Variants in TRABD2B observed in about 807,000 individuals in gnomAD.
The protein encoded by TRABD2B is metalloprotease TIKI2.
Under a neutral mutation model 40.1 loss-of-function variants are expected in TRABD2B, and 14 were observed. The observed-to-expected ratio is 0.35, with a 90% CI of 0.23 to 0.55. The LOEUF (loss-of-function observed/expected upper bound fraction) is 0.55, where lower values mean the gene tolerates loss of function less well. Ranked by LOEUF, TRABD2B falls within the 20% of genes least tolerant of loss-of-function variation. TRABD2B has a pLI of 0.90. For missense variants in TRABD2B, 541 were observed against 648.6 expected (o/e 0.83, Z 1.80); for synonymous variants, 263 against 277.0 (o/e 0.95, Z 0.50).
chr1:47,916,728 G>C (rs1239787455), intron 2 of TRABD2B, among the ~76,000 whole-genome samples: 4 of 152,328 alleles, frequency 2.6e-5, no homozygotes, highest in Non-Finnish European at 5.9e-5. Flanking sequence ...GGTCAGACTG[G>C]GGGGGCTTGC....
chr1:47,944,768 C>A (rs765893052), intron 2 of TRABD2B, among the ~76,000 whole-genome samples: 20 of 152,158 alleles, frequency 1.3e-4, no homozygotes, highest in Non-Finnish European at 2.5e-4. Flanking sequence ...AAGCAGCTCA[C>A]GGACATGGCT....
At chr1:47,877,198 CA>C (rs1177134008) in intron 2 of TRABD2B, among the ~76,000 whole-genome samples, 2 of 148,614 alleles carry the variant, frequency 1.3e-5, no homozygotes, top group Non-Finnish European at 3.0e-5. Context: ...TATATTTTGG[CA>C]ATGGGGCTGG....
intron 2 of TRABD2B, among the ~76,000 whole-genome samples, chr1:47,933,411 C>T (rs1308484627): frequency 6.6e-6 from 1 of 152,116 alleles, no homozygotes; most frequent in Non-Finnish European, 1.5e-5. Context: ...CACACCCAAC[C>T]TCTCCTGTCA....
chr1:47,911,986 C>T (rs1223902204), intron 2 of TRABD2B, among the ~76,000 whole-genome samples: 4 of 151,768 alleles, frequency 2.6e-5, no homozygotes, highest in Admixed American at 2.0e-4. Context: ...GATCACGCAA[C>T]GCCCAAGTAC....
At chr1:47,829,466 G>A (rs1372127944) in intron 2 of TRABD2B, among the ~76,000 whole-genome samples, 1 of 152,104 alleles carries the variant, frequency 6.6e-6, no homozygotes, top group Non-Finnish European at 1.5e-5. Flanking sequence ...ACTCCTCACT[G>A]TCGATGGCGT....
At chr1:47,990,204 T>C (rs575014971) in intron 2 of TRABD2B, among the ~76,000 whole-genome samples, 7 of 152,330 alleles carry the variant, frequency 4.6e-5, no homozygotes, top group African/African-American at 1.7e-4. Context: ...AAGTACAGAA[T>C]AGCAGAGTCC....
At chr1:47,959,435 G>T (rs1003922786) in intron 2 of TRABD2B, among the ~76,000 whole-genome samples, 25 of 152,098 alleles carry the variant, frequency 1.6e-4, no homozygotes, top group Admixed American at 1.5e-3. Flanking sequence ...CTGGTTTTTT[G>T]AAAAGATCAA....
intron 2 of TRABD2B, among the ~76,000 whole-genome samples, chr1:47,847,483 A>G (rs1056851538): frequency 1.3e-5 from 2 of 152,186 alleles, no homozygotes; most frequent in African/African-American, 4.8e-5. Context: ...TGACATTGTT[A>G]TGTCAACTGA....
At chr1:47,766,589 A>G (rs1644306647) in intron 6 of TRABD2B, among the ~76,000 whole-genome samples, 2 of 152,196 alleles carry the variant, frequency 1.3e-5, no homozygotes, top group African/African-American at 4.8e-5. Context: ...AGCATCCATC[A>G]TGAGCTCAGC....
intron 2 of TRABD2B, among the ~76,000 whole-genome samples, chr1:47,826,826 G>T (rs1645182226): frequency 6.6e-6 from 1 of 152,302 alleles, no homozygotes. Flanking sequence ...TCCCTCCTTG[G>T]CCTCCCAAAG....
chr1:47,875,505 G>A (rs1354447514), intron 2 of TRABD2B, among the ~76,000 whole-genome samples: 13 of 151,702 alleles, frequency 8.6e-5, no homozygotes, highest in Non-Finnish European at 8.8e-5. Flanking sequence ...TGGGCAATAT[G>A]GCAAAACCCT....
chr1:47,977,129 G>A (rs987508103), intron 2 of TRABD2B, among the ~76,000 whole-genome samples: 1 of 150,730 alleles, frequency 6.6e-6, no homozygotes, highest in African/African-American at 2.4e-5. Flanking sequence ...CTGGAGTGCA[G>A]TGGTGCGATC....
chr1:47,962,153 A>T (rs902634401), intron 2 of TRABD2B, among the ~76,000 whole-genome samples: 39 of 151,990 alleles, frequency 2.6e-4, no homozygotes, highest in African/African-American at 8.4e-4. Context: ...CATAGGTGGG[A>T]ATTGAACAAT....
At chr1:47,872,423 T>C (rs1391169617) in intron 2 of TRABD2B, among the ~76,000 whole-genome samples, 3 of 151,962 alleles carry the variant, frequency 2.0e-5, no homozygotes, top group Admixed American at 6.6e-5. Context: ...GAGGAATGGA[T>C]GGATGGATGA....
At position 47,773,893 on chromosome 1, in the gene TRABD2B, A is replaced by T. The variant is rs192042457; in HGVS notation, c.1349+1277T>A. Among the ~76,000 whole-genome samples the T allele has an allele frequency of 3.2e-3, 489 of 152,324 alleles. 2 individuals are homozygous for T. The highest frequency in any genetic ancestry group is 3.5e-3 in the Non-Finnish European group (238 of 68,024). ...CTTTTAAAGATAGTGTGTACCCCAC[A>T]GTTTATGATAATGGGCTGGACCATG... On this transcript the variant is annotated intron_variant, in intron 6 of 6. Coordinates refer to ENST00000606738, the MANE Select transcript of TRABD2B (RefSeq NM_001194986.2).
At position 47,913,557 on chromosome 1, in the gene TRABD2B, T is replaced by A. The variant is rs543526510; in HGVS notation, c.666+80477A>T. ...TGGCTTTCTAAATGATACTTTTGAATGGCTGCTTTGTTGTCCCTTGAGGTC... is the reference window on the plus strand; with the variant it reads ...TGGCTTTCTAAATGATACTTTTGAAAGGCTGCTTTGTTGTCCCTTGAGGTC... On this transcript the variant is annotated intron_variant, in intron 2 of 6. Coordinates refer to ENST00000606738, the MANE Select transcript of TRABD2B (RefSeq NM_001194986.2). Among the ~76,000 whole-genome samples the A allele has an allele frequency of 3.9e-5, 6 of 152,294 alleles. No homozygotes were observed. In the East Asian group the frequency reaches 1.2e-3, roughly 29 times the overall value.
chr1:47,771,400 T>C (rs1244301417), intron 6 of TRABD2B, among the ~76,000 whole-genome samples: 1 of 152,128 alleles, frequency 6.6e-6, no homozygotes, highest in African/African-American at 2.4e-5. Flanking sequence ...CTTTGGGCCA[T>C]GCCTGACACT....
chr1:47,921,368 C>G (rs959661419), intron 2 of TRABD2B, among the ~76,000 whole-genome samples: 2 of 152,320 alleles, frequency 1.3e-5, no homozygotes, highest in Admixed American at 1.3e-4. Context: ...CAAGGTGGGG[C>G]TGGCGGGCAG....
Position 47,813,739 on chromosome 1 carries a change from C to T in TRABD2B, c.667-12120G>A, listed in dbSNP as rs938964520. Among the ~76,000 whole-genome samples the T allele has an allele frequency of 3.9e-5, 6 of 152,168 alleles. No individual in the cohort carries two copies. The highest frequency in any genetic ancestry group is 7.2e-5 in the African/African-American group (3 of 41,438). ...TAAGAAATTTCTGTTCCCTAAGCAC[C>T]GGGGTGGGTCCCAGTTGCAGGAGGT... On this transcript the variant is annotated intron_variant, in intron 2 of 6. Coordinates refer to ENST00000606738, the MANE Select transcript of TRABD2B (RefSeq NM_001194986.2). The surrounding 1 kb of genome is among the most constrained non-coding windows in gnomAD (Gnocchi z 4.3).
Sources: gnomAD v4.1 joint callset for allele counts (sites outside exome capture counted in the v4.1 genomes callset) on GRCh38, gnomAD v4.1.1 for gene constraint, Gnocchi (gnomAD v3.1) non-coding constraint, MANE v1.5 for transcripts, NCBI Gene and HGNC (gene_info 2026-07-23, HGNC 2026-07-21) for gene names.